ELF5: variants seen among roughly 807,000 people sequenced by gnomAD.
ELF5 encodes ETS-related transcription factor Elf-5.
A neutral mutation model predicts 38.2 loss-of-function variants in ELF5; 31 were observed. The ratio of observed to expected loss-of-function variants is 0.81; its 90% CI spans 0.61 to 1.10. ELF5 has a LOEUF of 1.10. ELF5 is among the 50% of genes least tolerant of loss of function. ELF5 has a pLI of 0.00. For missense variants in ELF5, 300 were observed against 306.6 expected, an observed-to-expected ratio of 0.98 and a Z score of 0.16; for synonymous variants, 121 against 112.5, an observed-to-expected ratio of 1.08 and a Z score of -0.48.
At chr11:34,508,533 T>TA (rs1189860379) in intron 1 of ELF5, among the ~76,000 whole-genome samples, 16 of 151,820 alleles carry the variant, frequency 1.1e-4, no homozygotes, top group African/African-American at 3.9e-4. Context: ...AAATAAAAAA[T>TA]AAAAAAAACT....
chr11:34,483,809 AACTAT>A (rs1337102327), intron 4 of ELF5, among the ~76,000 whole-genome samples: 5 of 151,858 alleles, frequency 3.3e-5, no homozygotes, highest in East Asian at 1.9e-4. Context: ...ATACCATGAC[AACTAT>A]ACTATACTAT....
chr11:34,489,490 C>T lies in ELF5; in HGVS notation c.406+519G>A, dbSNP rs895210421. 2.2e-4 allele frequency among the ~76,000 whole-genome samples: 34 copies of T among 152,306 alleles called. 1 individual carries two copies. The highest frequency in any genetic ancestry group is 3.4e-3 in the Middle Eastern group (1 of 294). ...ATGAAAGCACCAAAGATCCCTTTCC[C>T]GAGCCTTCTTCATCTGCCCAAGTGA... On this transcript the variant is annotated intron_variant, in intron 4 of 6. Coordinates refer to ENST00000257832, the MANE Select transcript of ELF5 (RefSeq NM_001422.4).
chr11:34,485,252 T>C (rs1849959780), intron 4 of ELF5, among the ~76,000 whole-genome samples: 1 of 152,218 alleles, frequency 6.6e-6, no homozygotes, highest in Admixed American at 6.5e-5. Context: ...TGTTCATAAC[T>C]ACTACTTTAT....
In ELF5 at chr11:34,480,018, G is replaced by C; in HGVS notation, c.*200C>G. 2 of 578,606 alleles carry C rather than the reference G, an allele frequency of 3.5e-6. No homozygotes were observed. Among genetic ancestry groups the C allele is most frequent in the Non-Finnish European group, 6.1e-6 (2 of 327,626 alleles). 35.8% of individuals were successfully genotyped at this position (578,606 alleles called of 1,614,324 possible). A position where few individuals can be genotyped will look rare whatever the true frequency, so the allele number is the denominator to read the frequency against. On this transcript the variant is annotated 3_prime_UTR_variant, in exon 7 of 7. Transcript: ENST00000257832. ...CCTCATCCCCTTAGGGAGAAGAAAG[G>C]ATTTCTTAAGAGTTTCTGCTCTCAC... is the stretch of plus-strand genomic sequence containing the variant.
chr11:34,505,630 T>C lies in ELF5; in HGVS notation c.120A>G (p.Thr40=). 5 of 1,613,830 alleles carry C rather than the reference T, an allele frequency of 3.1e-6. No individual in the cohort carries two copies. Among genetic ancestry groups the C allele is most frequent in the Non-Finnish European group, 4.2e-6 (5 of 1,179,822 alleles). Residue 40 remains threonine, a splice_region_variant and synonymous_variant, in exon 2 of 7, where the codon ACA becomes ACG. Coordinates refer to ENST00000257832, the MANE Select transcript of ELF5 (RefSeq NM_001422.4). ...ATGGGCTCCTTCAAATGTACGCACC[T>C]GTCTGATGCTCAAAGGCAGGGTAGT... ...EEYYPAFEHQ[T]ACDSYWTSVH...
rs117000229 is a variant in ELF5 at position 34,497,163 on chromosome 11, A to C, written c.122-3451T>G. Among the ~76,000 whole-genome samples the C allele has an allele frequency of 7.4e-3, 1,126 of 152,324 alleles. 13 individuals are homozygous for C. Among genetic ancestry groups the C allele is most frequent in the African/African-American group, 0.024 (1,013 of 41,568 alleles). ...ACTTGGAAGACATGAACTCAGGGCA[A>C]TCAAATAAGGGGTTATATACCCGCA... On this transcript the variant is annotated intron_variant, in intron 2 of 6. Transcript: ENST00000257832.
chr11:34,502,297 C>T (rs1328682601), intron 2 of ELF5, among the ~76,000 whole-genome samples: 1 of 152,212 alleles, frequency 6.6e-6, no homozygotes, highest in African/African-American at 2.4e-5. Flanking sequence ...CCCAGAATTC[C>T]AGATAGTATT....
chr11:34,504,589 C>T (rs531700302), intron 2 of ELF5, among the ~76,000 whole-genome samples: 1 of 152,346 alleles, frequency 6.6e-6, no homozygotes, highest in Admixed American at 6.5e-5. Flanking sequence ...CACTGCCTGC[C>T]TCCGGACACT....
At chr11:34,504,240 C>G (rs1850548275) in intron 2 of ELF5, among the ~76,000 whole-genome samples, 1 of 152,224 alleles carries the variant, frequency 6.6e-6, no homozygotes, top group Non-Finnish European at 1.5e-5. Flanking sequence ...AACCTGTTAA[C>G]CAAAGTTCAA....
At chr11:34,488,828 C>G (rs1358008296) in intron 4 of ELF5, among the ~76,000 whole-genome samples, 1 of 152,222 alleles carries the variant, frequency 6.6e-6, no homozygotes, top group Non-Finnish European at 1.5e-5. Flanking sequence ...GTGGCTCAAG[C>G]CTTTGGCCAC....
intron 1 of ELF5, among the ~76,000 whole-genome samples, chr11:34,506,728 G>C (rs1289367668): frequency 1.3e-5 from 2 of 152,044 alleles, no homozygotes; most frequent in Non-Finnish European, 2.9e-5. Flanking sequence ...TGGCCAGGCT[G>C]GTCTCGAACT....
intron 1 of ELF5, among the ~76,000 whole-genome samples, chr11:34,507,711 C>G (rs757281795): frequency 6.6e-6 from 1 of 152,222 alleles, no homozygotes; most frequent in Non-Finnish European, 1.5e-5. Flanking sequence ...TGGATTAAAA[C>G]AATCTGTTCA....
chr11:34,489,983 T>C, intron 4 of ELF5, 26 bp downstream of exon 4: 2 of 1,613,444 alleles, frequency 1.2e-6, no homozygotes, highest in East Asian at 4.5e-5. Context: ...GACAGAGCCT[T>C]GGGTGGCTTG....
In ELF5 at chr11:34,493,601, G is replaced by A. The variant is rs1850236776; in HGVS notation, c.233C>T (p.Ser78Phe). Residue 78 changes from serine (S) to phenylalanine (F), a missense_variant, in exon 3 of 7, where the codon TCC becomes TTC. Coordinates refer to ENST00000257832, the MANE Select transcript of ELF5 (RefSeq NM_001422.4). The stretch of plus-strand genomic sequence containing the variant: ...GCCACTGATGTTGAAGTTGCAGAAG[G>A]AGATGCAATTGGTGTCCAACTTGTA... ...DQYKLDTNCISFCNFNISGLQ... is the reference protein window; with the variant it reads ...DQYKLDTNCIFFCNFNISGLQ... The A allele has an allele frequency of 6.2e-7, 1 of 1,614,076 alleles. No individual in the cohort carries two copies. Among genetic ancestry groups the A allele is most frequent in the South Asian group, 1.1e-5 (1 of 91,084 alleles).
At chr11:34,493,379 A>G (rs1850226504) in intron 3 of ELF5, 100 bp downstream of exon 3, 1 of 1,150,958 alleles carries the variant, frequency 8.7e-7, no homozygotes, top group African/African-American at 1.5e-5. Flanking sequence ...CAGTTAGTAA[A>G]ATTTTGCTGT....
intron 1 of ELF5, among the ~76,000 whole-genome samples, chr11:34,512,813 G>A (rs1417993956): frequency 6.6e-6 from 1 of 152,116 alleles, no homozygotes; most frequent in South Asian, 2.1e-4. Flanking sequence ...AGAATCAAGC[G>A]TTCACTCGGA....
chr11:34,510,862 C>T (rs1850735381), intron 1 of ELF5, among the ~76,000 whole-genome samples: 1 of 152,172 alleles, frequency 6.6e-6, no homozygotes. Flanking sequence ...GATAGATCCA[C>T]CTAGTGTCAG....
rs745892681 is a variant in ELF5 at position 34,480,778 on chromosome 11, G to A, written c.665C>T (p.Ala222Val). The part of the protein sequence containing the change: ...DRMTYEKLSR[A>V]LRYYYKTGIL... ...TTTTATGCTATTAACTTACCTCAGG[G>A]CTCTGCTCAACTTTTCATATGTCAT... The change falls in exon 6 of 7, where the codon GCC (alanine) becomes GTC (valine). Residue 222 changes from alanine (A) to valine (V), a missense_variant. By Grantham distance (64) the Ala-to-Val change is moderately conservative (BLOSUM62 0). Coordinates refer to ENST00000257832, the MANE Select transcript of ELF5 (RefSeq NM_001422.4). The A allele has an allele frequency of 6.2e-7, 1 of 1,613,582 alleles. No individual in the cohort carries two copies.
intron 2 of ELF5, among the ~76,000 whole-genome samples, chr11:34,499,638 T>C (rs1182207197): frequency 6.6e-6 from 1 of 152,246 alleles, no homozygotes; most frequent in East Asian, 1.9e-4. Flanking sequence ...GTTATGTCCC[T>C]CTGGAGCAGA....
Sources: gnomAD v4.1 joint callset for allele counts (sites outside exome capture counted in the v4.1 genomes callset) on GRCh38, gnomAD v4.1.1 for gene constraint, MANE v1.5 for transcripts, NCBI Gene and HGNC (gene_info 2026-07-23, HGNC 2026-07-21) for gene names.